The following SCAPER variants were observed in gnomAD, a reference collection of about 807,000 sequenced individuals.
SCAPER encodes S phase cyclin A-associated protein in the endoplasmic reticulum.
SCAPER carries 98 observed loss-of-function variants against 182.2 expected under a neutral mutation model. The ratio of observed to expected loss-of-function variants is 0.54; its 90% confidence interval spans 0.46 to 0.64. The LOEUF (loss-of-function observed/expected upper bound fraction) is 0.64, where lower values mean the gene tolerates loss of function less well. Ranked by LOEUF, SCAPER falls within the 30% of genes least tolerant of loss-of-function variation. The pLI is 0.00. For missense variants in SCAPER, 1,432 were observed against 1,690.0 expected, an observed-to-expected ratio of 0.85 and a Z score of 2.68; for synonymous variants, 605 against 564.6, an observed-to-expected ratio of 1.07 and a Z score of -1.01.
chr15:76,733,467 G>C (rs1175530723), intron 15 of SCAPER, 83 bp from the exon 16 acceptor site: 80 of 1,487,564 alleles, frequency 5.4e-5, no homozygotes, highest in Non-Finnish European at 6.6e-5. Flanking sequence ...ACAACAGTCA[G>C]GCTGGGCGTG....
chr15:76,616,542 A>G (rs1460589739), intron 22 of SCAPER, among the ~76,000 whole-genome samples: 1 of 152,172 alleles, frequency 6.6e-6, no homozygotes, highest in Non-Finnish European at 1.5e-5. Context: ...CTGGAGATGG[A>G]TGATGTAATA....
At chr15:76,362,725 T>TTC (rs904282009) in intron 29 of SCAPER, among the ~76,000 whole-genome samples, 3 of 151,482 alleles carry the variant, frequency 2.0e-5, no homozygotes, top group Non-Finnish European at 4.4e-5. Flanking sequence ...CTCTCTCTCT[T>TTC]TCTCTCTCTT....
rs1043913011 is a variant in SCAPER, at chr15:76,448,556, C to T, written c.3079-14246G>A. ...TGTATGAGAAAACAGCTGAAACAAA[C>T]GGCATGCTGTTTGTTGAAACAAACA... On this transcript the variant is annotated intron_variant, in intron 25 of 31. Coordinates refer to ENST00000563290, the MANE Select transcript of SCAPER (RefSeq NM_020843.4). 1.2e-4 allele frequency among the ~76,000 whole-genome samples: 19 copies of T among 152,038 alleles called. 1 individual carries two copies. The highest frequency in any genetic ancestry group is 4.1e-4 in the African/African-American group (17 of 41,470).
intron 18 of SCAPER, among the ~76,000 whole-genome samples, chr15:76,704,973 T>C (rs572008080): frequency 6.6e-6 from 1 of 152,288 alleles, no homozygotes; most frequent in South Asian, 2.1e-4. Flanking sequence ...TTGACCATTG[T>C]GGAAGTCAGT....
At chr15:76,762,140 G>A (rs561459770) in intron 14 of SCAPER, among the ~76,000 whole-genome samples, 6 of 152,118 alleles carry the variant, frequency 3.9e-5, no homozygotes, top group South Asian at 2.1e-4. Flanking sequence ...ATATTCCTTC[G>A]TGTTCAGCCA....
intron 1 of SCAPER, among the ~76,000 whole-genome samples, chr15:76,892,039 C>G (rs1403028788): frequency 6.6e-6 from 1 of 152,174 alleles, no homozygotes; most frequent in African/African-American, 2.4e-5. Flanking sequence ...CTACAACCAT[C>G]TGATCTTTGA....
chr15:76,468,966 G>A (rs2049912166), intron 25 of SCAPER, among the ~76,000 whole-genome samples: 1 of 152,040 alleles, frequency 6.6e-6, no homozygotes, highest in African/African-American at 2.4e-5. Flanking sequence ...CATAACCTAT[G>A]GTGGTACTTT....
Position 76,623,630 on chromosome 15 carries a change from T to A in SCAPER, c.2646-1801A>T, listed in dbSNP as rs181084336. 1.3e-4 allele frequency among the ~76,000 whole-genome samples: 20 copies of A among 152,338 alleles called. No individual in the cohort carries two copies. In the East Asian group the frequency reaches 3.5e-3, roughly 26 times the overall value. ...CGTGTCTGCTTTTGTACCAGTACCATGCTCTCTTGGTTACTGTAGACTTAT... is the reference window on the plus strand; with the variant it reads ...CGTGTCTGCTTTTGTACCAGTACCAAGCTCTCTTGGTTACTGTAGACTTAT... On this transcript the variant is annotated intron_variant, in intron 21 of 31. Transcript: ENST00000563290.
intron 5 of SCAPER, among the ~76,000 whole-genome samples, chr15:76,813,227 TAAA>T (rs746891532): frequency 7.1e-3 from 123 of 17,240 alleles, no homozygotes; most frequent in African/African-American, 0.025. Context: ...ATCCTTTCAC[TAAA>T]AAAAAAAAAA....
At chr15:76,717,412 A>G (rs1222522067) in intron 17 of SCAPER, among the ~76,000 whole-genome samples, 4 of 152,184 alleles carry the variant, frequency 2.6e-5, no homozygotes, top group Non-Finnish European at 5.9e-5. Context: ...TGGTATGTAA[A>G]CCACACGTAT....
intron 24 of SCAPER, among the ~76,000 whole-genome samples, chr15:76,479,755 T>G (rs2050951445): frequency 6.6e-6 from 1 of 152,202 alleles, no homozygotes; most frequent in Admixed American, 6.5e-5. Flanking sequence ...CTTGTGCAGT[T>G]TGCAGTGGTT....
intron 15 of SCAPER, among the ~76,000 whole-genome samples, chr15:76,738,330 T>A (rs1321678591): frequency 1.2e-4 from 18 of 152,144 alleles, no homozygotes. Flanking sequence ...GGGGTCTTGC[T>A]AAGTTGCACA....
At chr15:76,374,716 A>G (rs1344273650) in intron 29 of SCAPER, among the ~76,000 whole-genome samples, 1 of 151,370 alleles carries the variant, frequency 6.6e-6, no homozygotes, top group Non-Finnish European at 1.5e-5. Flanking sequence ...CGAACTCCTG[A>G]CCTCAGGTGA....
intron 20 of SCAPER, among the ~76,000 whole-genome samples, chr15:76,692,270 GAAGT>G (rs1354326987): frequency 6.6e-6 from 1 of 152,176 alleles, no homozygotes; most frequent in Non-Finnish European, 1.5e-5. Context: ...AAAATGAGTG[GAAGT>G]GAGTAATAAT....
chr15:76,425,105 C>T (rs1018178326), intron 26 of SCAPER, among the ~76,000 whole-genome samples: 1 of 152,100 alleles, frequency 6.6e-6, no homozygotes, highest in Non-Finnish European at 1.5e-5. Context: ...CTTGGAGTTG[C>T]TCTTCTCGAG....
Position 76,897,113 on chromosome 15 carries a change from T to C in SCAPER, c.-60+8186A>G, listed in dbSNP as rs1036046933. Reference sequence around the variant, plus strand: ...AACAAGAGTAAAAATATCTACTTTGTAGGGTTGTTTTCAAAATCAAAGAAA... The same window carrying C: ...AACAAGAGTAAAAATATCTACTTTGCAGGGTTGTTTTCAAAATCAAAGAAA... On this transcript the variant is annotated intron_variant, in intron 1 of 31. Transcript: ENST00000563290. 1.1e-4 allele frequency among the ~76,000 whole-genome samples: 17 copies of C among 152,208 alleles called. 1 individual carries two copies. The highest frequency in any genetic ancestry group is 1.0e-3 in the Admixed American group (16 of 15,284).
At chr15:76,589,793 G>A (rs1384728190) in intron 22 of SCAPER, among the ~76,000 whole-genome samples, 2 of 152,130 alleles carry the variant, frequency 1.3e-5, no homozygotes, top group East Asian at 1.9e-4. Context: ...CAGCCCTCTG[G>A]AAGGACCCCT....
At chr15:76,760,507 A>G (rs3102715) in intron 14 of SCAPER, among the ~76,000 whole-genome samples, 149,274 of 152,282 alleles carry the variant, frequency 0.98, 73,224 homozygotes, top group South Asian at 1. Context: ...GTCTGTTCTT[A>G]GGATTTTTCA....
intron 21 of SCAPER, among the ~76,000 whole-genome samples, chr15:76,653,991 A>G (rs1210013483): frequency 6.6e-6 from 1 of 152,210 alleles, no homozygotes; most frequent in Non-Finnish European, 1.5e-5. Flanking sequence ...GAATCTACAG[A>G]GAACTTAAAC....
Sources: allele counts gnomAD v4.1 joint callset (sites outside exome capture counted in the v4.1 genomes callset), GRCh38; gene constraint gnomAD v4.1.1; transcripts MANE v1.5; gene names NCBI Gene and HGNC (gene_info 2026-07-23, HGNC 2026-07-21).